Variants in LINGO2 observed in about 807,000 individuals in gnomAD.
LINGO2 encodes leucine-rich repeat and immunoglobulin-like domain-containing nogo receptor-interacting protein 2.
Under a neutral mutation model 30.6 loss-of-function variants are expected in LINGO2, and 14 were observed. The ratio of observed to expected loss-of-function variants is 0.46; its 90% CI spans 0.30 to 0.72. The LOEUF is 0.72. Among genes scored for constraint, LINGO2 ranks in the 30% least tolerant of loss-of-function variants. LINGO2 has a pLI of 0.07. For missense variants in LINGO2, 729 were observed against 751.7 expected (o/e 0.97, Z 0.35); for synonymous variants, 317 against 288.5 (o/e 1.10, Z -1.00).
the LINGO2 span, among the ~76,000 whole-genome samples, chr9:28,850,632 G>A: frequency 6.6e-6 from 1 of 152,028 alleles, no homozygotes; most frequent in Admixed American, 6.6e-5. Context: ...TTCCAGAGGA[G>A]GGAATGCATA....
At chr9:29,064,191 T>TATTC in the LINGO2 span, among the ~76,000 whole-genome samples, 4 of 152,152 alleles carry the variant, frequency 2.6e-5, no homozygotes, top group East Asian at 3.9e-4. Context: ...AATTAATGTA[T>TATTC]ATTCCTAGAG....
chr9:28,812,458 G>A, the LINGO2 span, among the ~76,000 whole-genome samples: 3 of 151,982 alleles, frequency 2.0e-5, no homozygotes, highest in Non-Finnish European at 4.4e-5. Context: ...TGCCCCATTC[G>A]CCTGAGAAAT....
chr9:28,890,194 T>TG, the LINGO2 span, among the ~76,000 whole-genome samples: 8 of 44,796 alleles, frequency 1.8e-4, no homozygotes, highest in African/African-American at 5.5e-4. Context: ...GTTTTCTTGG[T>TG]TTTTTGTTTT....
chr9:28,996,020 T>TTA, the LINGO2 span, among the ~76,000 whole-genome samples: 10 of 150,480 alleles, frequency 6.6e-5, no homozygotes, highest in Admixed American at 2.0e-4. Context: ...TAAAGTATAA[T>TTA]AAAAAAAATG....
chr9:28,638,813 A>G (rs1021431861), intron 1 of LINGO2, among the ~76,000 whole-genome samples: 6 of 151,698 alleles, frequency 4.0e-5, no homozygotes, highest in African/African-American at 7.3e-5. Context: ...TTGTATCTCT[A>G]TTTCCTTCAG....
intron 4 of LINGO2, among the ~76,000 whole-genome samples, chr9:28,252,952 C>G (rs549435780): frequency 6.6e-5 from 10 of 151,550 alleles, no homozygotes; most frequent in African/African-American, 2.4e-4. Context: ...AAAATATAAA[C>G]AAAGAAAACT....
At chr9:29,173,350 A>G in the LINGO2 span, among the ~76,000 whole-genome samples, 2 of 152,116 alleles carry the variant, frequency 1.3e-5, no homozygotes, top group Admixed American at 1.3e-4. Context: ...ACATCAATAG[A>G]CATGCTTCCT....
the LINGO2 span, among the ~76,000 whole-genome samples, chr9:28,907,836 A>G: frequency 2.0e-5 from 3 of 151,818 alleles, no homozygotes; most frequent in South Asian, 6.2e-4. Context: ...CTTCTTGAAG[A>G]AATTGCATTC....
intron 4 of LINGO2, among the ~76,000 whole-genome samples, chr9:28,280,528 T>C (rs986692835): frequency 6.6e-6 from 1 of 152,194 alleles, no homozygotes; most frequent in East Asian, 1.9e-4. Context: ...ATCATCTTTG[T>C]GTGATTTCCT....
At chr9:27,986,688 C>A in intron 5 of LINGO2, among the ~76,000 whole-genome samples, 1 of 151,768 alleles carries the variant, frequency 6.6e-6, no homozygotes, top group East Asian at 1.9e-4. Flanking sequence ...GGAAAGTGCT[C>A]GTCCCTCCTT....
At chr9:27,976,581 G>A (rs1191371691) in intron 5 of LINGO2, among the ~76,000 whole-genome samples, 1 of 152,018 alleles carries the variant, frequency 6.6e-6, no homozygotes, top group Non-Finnish European at 1.5e-5. Flanking sequence ...TATTGTCATT[G>A]TTTTATAGAT....
At chr9:28,574,852 T>C (rs1371855964) in intron 1 of LINGO2, among the ~76,000 whole-genome samples, 1 of 152,200 alleles carries the variant, frequency 6.6e-6, no homozygotes, top group Non-Finnish European at 1.5e-5. Context: ...CTCACTCTCA[T>C]TTTAAAAAGA....
At chr9:29,197,641 C>T in the LINGO2 span, among the ~76,000 whole-genome samples, 2 of 151,998 alleles carry the variant, frequency 1.3e-5, no homozygotes, top group Non-Finnish European at 2.9e-5. Context: ...TAAATTTAAA[C>T]TTTTATAGTG....
the LINGO2 span, among the ~76,000 whole-genome samples, chr9:28,887,807 G>A: frequency 1.3e-5 from 2 of 152,050 alleles, no homozygotes; most frequent in South Asian, 2.1e-4. Flanking sequence ...GCTTTCAATC[G>A]ATTTAATATT....
intron 5 of LINGO2, among the ~76,000 whole-genome samples, chr9:27,979,609 T>C (rs906541133): frequency 1.3e-5 from 2 of 151,880 alleles, no homozygotes; most frequent in Admixed American, 6.6e-5. Flanking sequence ...TCTACGTGAA[T>C]GAAAAAGGAA....
intron 4 of LINGO2, among the ~76,000 whole-genome samples, chr9:28,096,149 C>A (rs1826236629): frequency 6.6e-6 from 1 of 151,982 alleles, no homozygotes; most frequent in Non-Finnish European, 1.5e-5. Context: ...TAAAAACAAA[C>A]AAACAAAAAG....
chr9:28,751,418 G>T, the LINGO2 span, among the ~76,000 whole-genome samples: 1 of 151,498 alleles, frequency 6.6e-6, no homozygotes, highest in African/African-American at 2.4e-5. Flanking sequence ...AGCTAGGTTT[G>T]CATTGAAACT....
downstream of LINGO2, chr9:27,943,600 G>A (rs1213873349): frequency 7.8e-6 from 1 of 127,848 alleles, no homozygotes; most frequent in Non-Finnish European, 1.6e-5. Flanking sequence ...AAAGTGTTAT[G>A]TGAGATAGCT....
At chr9:28,933,655 C>G in the LINGO2 span, among the ~76,000 whole-genome samples, 1 of 152,086 alleles carries the variant, frequency 6.6e-6, no homozygotes, top group Non-Finnish European at 1.5e-5. Context: ...AAAGAGAGTT[C>G]TCAAGCTTGT....
Sources: allele counts gnomAD v4.1 joint callset (sites outside exome capture counted in the v4.1 genomes callset), GRCh38; gene constraint gnomAD v4.1.1; transcripts MANE v1.5; gene names NCBI Gene and HGNC (gene_info 2026-07-23, HGNC 2026-07-21).